Variants in CCDC183 observed in about 807,000 individuals in gnomAD.
The protein encoded by CCDC183 is coiled-coil domain containing 183.
A neutral mutation model predicts 65.2 loss-of-function variants in CCDC183; 63 were observed. The ratio of observed to expected loss-of-function variants is 0.97; its 90% CI spans 0.79 to 1.19. The LOEUF (loss-of-function observed/expected upper bound fraction) is 1.19. CCDC183 is among the 50% of genes most tolerant of loss of function. The pLI is 0.00. For synonymous variants in CCDC183, 323 were observed against 276.5 expected (o/e 1.17, Z -1.67); for missense variants, 769 against 689.3 (o/e 1.12, Z -1.30).
At chr9:136,802,463 GAA>G (rs979383459) in intron 5 of CCDC183, among the ~76,000 whole-genome samples, 199 bp from the exon 6 acceptor site, 3 of 152,322 alleles carry the variant, frequency 2.0e-5, no homozygotes, top group African/African-American at 4.8e-5. Flanking sequence ...CCTAGGTGGT[GAA>G]AGAGTCCACC....
intron 6 of CCDC183, among the ~76,000 whole-genome samples, chr9:136,803,336 A>AC (rs1442365282): frequency 7.2e-6 from 1 of 138,654 alleles, no homozygotes; most frequent in Non-Finnish European, 1.6e-5. Context: ...CTCTCAGGAG[A>AC]CCCCCATGCC....
intron 2 of CCDC183, 94 bp downstream of exon 2, chr9:136,799,317 AC>A: frequency 6.8e-7 from 1 of 1,469,388 alleles, no homozygotes; most frequent in South Asian, 1.4e-5. Flanking sequence ...CTCCACCCCC[AC>A]CCCAATCTTT....
At position 136,803,282 on chromosome 9, in the gene CCDC183, T is replaced by A. The variant is rs2784099; in HGVS notation, c.666+496T>A. Among the ~76,000 whole-genome samples, 7 of 37,930 alleles carry A rather than the reference T, an allele frequency of 1.8e-4. 1 individual carries two copies. The highest frequency in any genetic ancestry group is 7.4e-4 in the African/African-American group (6 of 8,134). The allele number at this position is 37,930 out of a possible 152,430, so 24.9% of individuals were successfully genotyped here. ...TCAAGGTGAGCTCAGGGCCCAGGGC[T>A]GGGGCCCCCCAGGGCGGGCTCTCTT... On this transcript the variant is annotated intron_variant, in intron 6 of 13. Coordinates refer to ENST00000338005, the MANE Select transcript of CCDC183 (RefSeq NM_001039374.5).
chr9:136,798,543 C>T (rs1407005022), intron 1 of CCDC183, among the ~76,000 whole-genome samples: 1 of 151,816 alleles, frequency 6.6e-6, no homozygotes, highest in East Asian at 1.9e-4. Context: ...GTGATCCGCC[C>T]ACTTCGGCCT....
chr9:136,807,510 G>C lies in CCDC183; in HGVS notation c.1487-62G>C. On this transcript the variant is annotated intron_variant, in intron 13 of 13. Coordinates refer to ENST00000338005, the MANE Select transcript of CCDC183 (RefSeq NM_001039374.5). ...TCGGTGGAGGGCGGGGGCGAGAGGCGGGTCGGGCGGCTGCGCCTAGCTGGG... is the reference window on the plus strand; with the variant it reads ...TCGGTGGAGGGCGGGGGCGAGAGGCCGGTCGGGCGGCTGCGCCTAGCTGGG... The C allele has an allele frequency of 1.4e-6, 2 of 1,473,156 alleles. 1 individual carries two copies. The highest frequency in any genetic ancestry group is 2.7e-5 in the South Asian group (2 of 73,168). The allele number at this position is 1,473,156 out of a possible 1,614,324, so 91.3% of individuals were successfully genotyped here.
chr9:136,805,272 G>A, intron 8 of CCDC183, 85 bp from the exon 9 acceptor site: 5 of 1,113,534 alleles, frequency 4.5e-6, no homozygotes, highest in South Asian at 2.9e-5. Context: ...CAGCAGCTGG[G>A]CAGGTACAGA....
chr9:136,800,315 G>C, intron 4 of CCDC183, 74 bp from the exon 5 acceptor site: 1 of 1,492,956 alleles, frequency 6.7e-7, no homozygotes, highest in Non-Finnish European at 9.1e-7. Context: ...ACCCTCTCCG[G>C]AGAAAACCCA....
In CCDC183 at chr9:136,806,993, C is replaced by T. The variant is rs201087507; in HGVS notation, c.1413C>T (p.Thr471=). The T allele has an allele frequency of 1.0e-4, 168 of 1,613,700 alleles. 4 individuals are homozygous for T. In the South Asian group the frequency reaches 1.6e-3, roughly 15 times the overall value. The change falls in exon 13 of 14, where the codon ACC becomes ACT. Residue 471 remains threonine (T), a synonymous_variant. Coordinates refer to ENST00000338005, the MANE Select transcript of CCDC183 (RefSeq NM_001039374.5). The stretch of plus-strand genomic sequence containing the variant: ...AGGGCGACACAAAGGTGAGGGACAC[C>T]CTGGAGTCCTCGACTCTGATGGAGA... The part of the protein sequence containing the change: ...TEEGDTKVRD[T]LESSTLMEKY...
At chr9:136,798,650 A>AC (rs1287278473) in intron 1 of CCDC183, among the ~76,000 whole-genome samples, 8 of 151,650 alleles carry the variant, frequency 5.3e-5, no homozygotes, top group Non-Finnish European at 7.4e-5. Context: ...GGGAAAACAG[A>AC]CCCCCCTACT....
In CCDC183 at chr9:136,802,684, T is replaced by A; in HGVS notation, c.564T>A (p.Ile188=). ...CACAGGTGCTGGCAGGATACCCCATTGAGCTGGACAAGCTGCAGAACCTCG... is the reference window on the plus strand; with the variant it reads ...CACAGGTGCTGGCAGGATACCCCATAGAGCTGGACAAGCTGCAGAACCTCG... ...YLKTVLAGYP[I]ELDKLQNLVV... The change falls in exon 6 of 14, where the codon ATT becomes ATA. Residue 188 remains isoleucine, a synonymous_variant. Transcript: ENST00000338005. 2 of 1,612,838 alleles carry A rather than the reference T, an allele frequency of 1.2e-6. No individual in the cohort carries two copies. The highest frequency in any genetic ancestry group is 1.7e-6 in the Non-Finnish European group (2 of 1,179,574).
chr9:136,807,347 G>C (rs1847878616), intron 13 of CCDC183: 1 of 678,628 alleles, frequency 1.5e-6, no homozygotes, highest in Non-Finnish European at 2.4e-6. Flanking sequence ...GAGGAGCGCG[G>C]TGAAGGCCTG....
chr9:136,800,681 C>T lies in CCDC183; in HGVS notation c.543+188C>T, dbSNP rs1847725526. Reference sequence around the variant, plus strand: ...TTCATTTTTGGCTATTCCAAAAAAGCATATCGTGGGGTATATCAGAATTCT... The same window carrying T: ...TTCATTTTTGGCTATTCCAAAAAAGTATATCGTGGGGTATATCAGAATTCT... On this transcript the variant is annotated intron_variant, in intron 5 of 13. Transcript: ENST00000338005. 3.2e-5 allele frequency: 19 copies of T among 590,300 alleles called. No individual in the cohort carries two copies. The South Asian group carries it at 3.8e-4, about 12-fold the overall frequency. The allele number at this position is 590,300 out of a possible 1,614,324, so 36.6% of individuals were successfully genotyped here.
At chr9:136,802,879 G>C in intron 6 of CCDC183, 93 bp downstream of exon 6, 1 of 254,828 alleles carries the variant, frequency 3.9e-6, no homozygotes, top group Non-Finnish European at 7.2e-6. Context: ...CAGGGCTGGG[G>C]GCCCCCCAGG....
rs1030014980 is a variant in CCDC183, at chr9:136,799,156, A to G, written c.125A>G (p.Lys42Arg). 1 of 1,613,124 alleles carries G rather than the reference A, an allele frequency of 6.2e-7. No individual in the cohort carries two copies. The highest frequency in any genetic ancestry group is 1.3e-5 in the African/African-American group (1 of 74,930). Residue 42 changes from lysine to arginine, a missense_variant, in exon 2 of 14, where the codon AAG becomes AGG. Physicochemically the swap from Lys to Arg is conservative, Grantham distance 26. Coordinates refer to ENST00000338005, the MANE Select transcript of CCDC183 (RefSeq NM_001039374.5). ...GTGAAAGAGAATATGGACCAGAACA[A>G]GGCCACGCTGGCCCTCCTGCGCAGC... ...QGVKENMDQN[K>R]ATLALLRSNI... is the part of the protein sequence containing the mutation.
At chr9:136,798,079 C>T (rs1391819661) in intron 1 of CCDC183, among the ~76,000 whole-genome samples, 2 of 152,222 alleles carry the variant, frequency 1.3e-5, no homozygotes, top group African/African-American at 4.8e-5. Flanking sequence ...AATCTCAGCA[C>T]ACTGCAACCT....
chr9:136,804,803 G>A lies in CCDC183; in HGVS notation c.834G>A (p.Thr278=), dbSNP rs200125241. 93 of 1,613,712 alleles carry A rather than the reference G, an allele frequency of 5.8e-5. No individual in the cohort carries two copies. The highest frequency in any genetic ancestry group is 1.6e-4 in the African/African-American group (12 of 74,958). ...DLDFPSNLMS[T]ETLKLRRKET... is the part of the protein sequence containing the mutation. ...ACTTCCCCTCGAACCTGATGAGCACGGAGACCCTGAAATGTAAGCGCTCAG... is the reference window on the plus strand; with the variant it reads ...ACTTCCCCTCGAACCTGATGAGCACAGAGACCCTGAAATGTAAGCGCTCAG... The change falls in exon 8 of 14, where the codon ACG becomes ACA. Residue 278 remains threonine, a synonymous_variant. Coordinates refer to ENST00000338005, the MANE Select transcript of CCDC183 (RefSeq NM_001039374.5). This position sits in a 1 kb window ranked among gnomAD's most constrained non-coding sequence, Gnocchi z 4.1.
intron 2 of CCDC183, 198 bp downstream of exon 2, chr9:136,799,421 C>A: frequency 1.1e-6 from 1 of 945,462 alleles, no homozygotes; most frequent in Non-Finnish European, 1.5e-6. Flanking sequence ...TTTCCCACCA[C>A]CCAACCCGAG....
chr9:136,797,632 G>T (rs1847672816), intron 1 of CCDC183, among the ~76,000 whole-genome samples: 1 of 152,098 alleles, frequency 6.6e-6, no homozygotes, highest in Admixed American at 6.5e-5. Context: ...TAGAGATGCG[G>T]TTTCACCGTG....
rs1847698521 is a variant in CCDC183 at position 136,799,176 on chromosome 9, C to T, written c.145C>T (p.Arg49Cys). The change falls in exon 2 of 14, where the codon CGC becomes TGC. Residue 49 changes from arginine to cysteine, a missense_variant. Coordinates refer to ENST00000338005, the MANE Select transcript of CCDC183 (RefSeq NM_001039374.5). ...GAACAAGGCCACGCTGGCCCTCCTG[C>T]GCAGCAACATCCGCCGCGGGGCCCA... ...DQNKATLALL[R>C]SNIRRGAQDW... 12 of 1,611,966 alleles carry T rather than the reference C, an allele frequency of 7.4e-6. No individual in the cohort carries two copies. Among genetic ancestry groups the T allele is most frequent in the Non-Finnish European group, 1.0e-5 (12 of 1,179,414 alleles).
Sources: allele counts gnomAD v4.1 joint callset (sites outside exome capture counted in the v4.1 genomes callset), GRCh38; gene constraint gnomAD v4.1.1; non-coding constraint Gnocchi (gnomAD v3.1); transcripts MANE v1.5; gene names NCBI Gene and HGNC (gene_info 2026-07-23, HGNC 2026-07-21).